CMIP: variants seen among roughly 807,000 people sequenced by gnomAD.
CMIP encodes c-Maf inducing protein, also known as C-Maf-inducing protein.
Under a neutral mutation model 97.3 loss-of-function variants are expected in CMIP, and 13 were observed. The ratio of observed to expected loss-of-function variants is 0.13; its 90% CI spans 0.09 to 0.21. CMIP has a LOEUF of 0.21. CMIP is among the 10% of genes least tolerant of loss of function. The probability of loss-of-function intolerance (pLI) is 1.00; values close to 1 mark genes in which losing one functional copy is unlikely to be tolerated. For synonymous variants in CMIP, 538 were observed against 436.3 expected (o/e 1.23, Z -2.91); for missense variants, 847 against 1,024.9 (o/e 0.83, Z 2.37).
chr16:81,609,109 C>T (rs1022765511), intron 2 of CMIP, among the ~76,000 whole-genome samples: 1 of 152,216 alleles, frequency 6.6e-6, no homozygotes, highest in Admixed American at 6.5e-5. Flanking sequence ...CTGCTTTCTT[C>T]TTAGTGAATC....
intron 1 of CMIP, among the ~76,000 whole-genome samples, chr16:81,578,542 G>C (rs147088352): frequency 9.8e-4 from 149 of 152,280 alleles, no homozygotes; most frequent in African/African-American, 3.5e-3. Context: ...TCTCATCTCG[G>C]AGCTCACATT....
intron 1 of CMIP, among the ~76,000 whole-genome samples, chr16:81,468,827 G>C (rs1165239524): frequency 6.6e-6 from 1 of 152,230 alleles, no homozygotes; most frequent in Admixed American, 6.5e-5. Flanking sequence ...CATTGGGAAA[G>C]TCCGAGGGGC....
chr16:81,493,411 G>A lies in CMIP; in HGVS notation c.300+47870G>A, dbSNP rs1015655422. 6.7e-4 allele frequency among the ~76,000 whole-genome samples: 102 copies of A among 151,884 alleles called. 1 individual carries two copies. Among genetic ancestry groups the A allele is most frequent in the African/African-American group, 2.5e-3 (102 of 41,398 alleles). On this transcript the variant is annotated intron_variant, in intron 1 of 20. Transcript: ENST00000537098. Reference sequence around the variant, plus strand: ...CCTGTTGTCTGGACCATAAAATGCAGATGGGAATGTCGCCCACTTCCTCAA... The same window carrying A: ...CCTGTTGTCTGGACCATAAAATGCAAATGGGAATGTCGCCCACTTCCTCAA...
intron 10 of CMIP, chr16:81,691,568 T>C: frequency 1.7e-6 from 1 of 604,452 alleles, no homozygotes; most frequent in Non-Finnish European, 3.0e-6. Flanking sequence ...CATGAGGAAG[T>C]CTCTGCACAG....
intron 5 of CMIP, 136 bp downstream of exon 5, chr16:81,657,952 C>G (rs1300502367): frequency 3.0e-6 from 2 of 677,950 alleles, no homozygotes; most frequent in Non-Finnish European, 4.9e-6. Context: ...TCTTTTCTAG[C>G]AAGCCGGACG....
At chr16:81,677,687 T>C (rs1388892207) in intron 9 of CMIP, among the ~76,000 whole-genome samples, 1 of 152,260 alleles carries the variant, frequency 6.6e-6, no homozygotes, top group Non-Finnish European at 1.5e-5. Context: ...TGCAGGCTTC[T>C]GTTCCTCTGG....
intron 1 of CMIP, among the ~76,000 whole-genome samples, chr16:81,471,578 TA>T (rs1232019355): frequency 6.6e-6 from 1 of 151,468 alleles, no homozygotes; most frequent in Non-Finnish European, 1.5e-5. Flanking sequence ...CATACACAAA[TA>T]CACACACACA....
In CMIP at chr16:81,621,209, A is replaced by C. The variant is rs1290740007; in HGVS notation, c.477+283A>C. The C allele has an allele frequency of 6.2e-6, 2 of 320,900 alleles. No individual in the cohort carries two copies. The highest frequency in any genetic ancestry group is 1.2e-4 in the East Asian group (2 of 16,252). The allele number at this position is 320,900 out of a possible 1,614,324, so 19.9% of individuals were successfully genotyped here. A position where few individuals can be genotyped will look rare whatever the true frequency, so the allele number is the denominator to read the frequency against. ...CATAGAACTGCTTGCTCTCAGAGTG[A>C]GGGCGACCCTGAGGGGAGTCCAGCC... On this transcript the variant is annotated intron_variant, in intron 3 of 20. Coordinates refer to ENST00000537098, the MANE Select transcript of CMIP (RefSeq NM_198390.3). This position sits in a 1 kb window ranked among gnomAD's most constrained non-coding sequence, Gnocchi z 4.1.
chr16:81,586,164 C>T (rs552243020), intron 1 of CMIP, among the ~76,000 whole-genome samples: 4 of 152,158 alleles, frequency 2.6e-5, no homozygotes, highest in East Asian at 3.9e-4. Context: ...GAGACAGCCC[C>T]GCCCCACACC....
At chr16:81,489,825 G>A (rs991297939) in intron 1 of CMIP, among the ~76,000 whole-genome samples, 1 of 152,268 alleles carries the variant, frequency 6.6e-6, no homozygotes, top group Non-Finnish European at 1.5e-5. Context: ...AGGAGGCACA[G>A]GGGAAGGAGA....
rs1372538196 is a variant in CMIP at position 81,627,282 on chromosome 16, G to T, written c.477+6356G>T. Among the ~76,000 whole-genome samples, 1 of 152,002 alleles carries T rather than the reference G, an allele frequency of 6.6e-6. No homozygotes were observed. The highest frequency in any genetic ancestry group is 1.9e-4 in the East Asian group (1 of 5,196). Reference sequence around the variant, plus strand: ...GATACTATGAGTATGCTGGTTTGGAGTGTGTTTCTTTGGGCCTCAGTTTTC... The same window carrying T: ...GATACTATGAGTATGCTGGTTTGGATTGTGTTTCTTTGGGCCTCAGTTTTC... On this transcript the variant is annotated intron_variant, in intron 3 of 20. Transcript: ENST00000537098. The surrounding 1 kb of genome is among the most constrained non-coding windows in gnomAD (Gnocchi z 4.6).
rs144498679 is a variant in CMIP at position 81,709,172 on chromosome 16, G to A, written c.2269-574G>A. 9.6e-4 allele frequency among the ~76,000 whole-genome samples: 146 copies of A among 152,284 alleles called. 1 individual carries two copies. The highest frequency in any genetic ancestry group is 3.4e-3 in the African/African-American group (140 of 41,552). ...TCCAGCCTAGGGGGAGCCTCAAGTG[G>A]GAAGAATCTAAGCCAAACCCTGGGT... On this transcript the variant is annotated intron_variant, in intron 20 of 20. Transcript: ENST00000537098.
At chr16:81,478,383 G>A (rs1476807931) in intron 1 of CMIP, among the ~76,000 whole-genome samples, 1 of 152,210 alleles carries the variant, frequency 6.6e-6, no homozygotes, top group Non-Finnish European at 1.5e-5. Flanking sequence ...TTGTAGGGCC[G>A]AGATTTTGGC....
chr16:81,500,430 CCT>C (rs1225346969), intron 1 of CMIP, among the ~76,000 whole-genome samples: 6 of 125,924 alleles, frequency 4.8e-5, no homozygotes, highest in Admixed American at 7.9e-5. Flanking sequence ...CCCCTCCCTC[CCT>C]CTCTCTCTCT....
At chr16:81,624,894 C>T (rs1296581954) in intron 3 of CMIP, among the ~76,000 whole-genome samples, 1 of 152,192 alleles carries the variant, frequency 6.6e-6, no homozygotes, top group Admixed American at 6.5e-5. Context: ...TTTGTGGCAT[C>T]AGCTCAGAAC....
chr16:81,491,563 A>G (rs2089406402), intron 1 of CMIP, among the ~76,000 whole-genome samples: 1 of 152,146 alleles, frequency 6.6e-6, no homozygotes, highest in Admixed American at 6.5e-5. Context: ...GACGAAAAAA[A>G]CCTCTTCATA....
intron 1 of CMIP, among the ~76,000 whole-genome samples, chr16:81,474,965 G>T (rs1167515456): frequency 6.6e-6 from 1 of 152,230 alleles, no homozygotes; most frequent in Non-Finnish European, 1.5e-5. Context: ...ATTTTGGAAG[G>T]TTTGGGATGT....
At position 81,678,556 on chromosome 16, in the gene CMIP, G is replaced by A. The variant is rs777134858; in HGVS notation, c.1316G>A (p.Ser439Asn). The stretch of plus-strand genomic sequence containing the variant: ...TGCCTCATGGTCAGCCCCGCCTGCA[G>A]CACCATGAGCATCGAGCTGGGCCCC... Reference protein sequence around the residue: ...IDCLMVSPACSTMSIELGPQA... With the variant: ...IDCLMVSPACNTMSIELGPQA... Residue 439 changes from serine to asparagine, a missense_variant, in exon 10 of 21, where the codon AGC (serine) becomes AAC (asparagine). Physicochemically the swap from Ser to Asn is conservative, Grantham distance 46. Coordinates refer to ENST00000537098, the MANE Select transcript of CMIP (RefSeq NM_198390.3). The A allele has an allele frequency of 1.2e-6, 2 of 1,608,416 alleles. No individual in the cohort carries two copies. The highest frequency in any genetic ancestry group is 1.7e-6 in the Non-Finnish European group (2 of 1,178,312).
At chr16:81,553,127 C>T (rs1343789995) in intron 1 of CMIP, among the ~76,000 whole-genome samples, 2 of 152,180 alleles carry the variant, frequency 1.3e-5, no homozygotes, top group African/African-American at 4.8e-5. Context: ...GCCTGAGTCT[C>T]TGCTTGTTTC....
Sources: allele counts gnomAD v4.1 joint callset (sites outside exome capture counted in the v4.1 genomes callset), GRCh38; gene constraint gnomAD v4.1.1; non-coding constraint Gnocchi (gnomAD v3.1); transcripts MANE v1.5; gene names NCBI Gene and HGNC (gene_info 2026-07-23, HGNC 2026-07-21).